PLA2R1: variants seen among roughly 807,000 people sequenced by gnomAD.
PLA2R1 encodes the protein phospholipase A2 receptor 1.
In PLA2R1, 158 loss-of-function variants were observed where a neutral mutation model predicts 195.9. The ratio of observed to expected loss-of-function variants is 0.81; its 90% CI spans 0.71 to 0.92. PLA2R1 has a LOEUF of 0.92. PLA2R1 is among the 40% of genes least tolerant of loss of function. PLA2R1 has a pLI of 0.00. For synonymous variants in PLA2R1, 586 were observed against 598.2 expected (o/e 0.98, Z 0.30); for missense variants, 1,626 against 1,764.6 (o/e 0.92, Z 1.41).
chr2:159,942,710 A>G (rs1465099702), intron 28 of PLA2R1, among the ~76,000 whole-genome samples: 1 of 152,012 alleles, frequency 6.6e-6, no homozygotes, highest in Non-Finnish European at 1.5e-5. Flanking sequence ...AAAAAGTTAG[A>G]GAGTTTCTGT....
intron 8 of PLA2R1, among the ~76,000 whole-genome samples, chr2:160,019,638 C>T (rs1692977104): frequency 6.6e-6 from 1 of 152,214 alleles, no homozygotes; most frequent in African/African-American, 2.4e-5. Context: ...TCCTATACCA[C>T]AGTCTAGAAA....
chr2:159,958,756 T>C lies in PLA2R1; in HGVS notation c.2905-2129A>G, dbSNP rs138600980. Among the ~76,000 whole-genome samples the C allele has an allele frequency of 7.5e-4, 115 of 152,348 alleles. No homozygotes were observed. In the East Asian group the frequency reaches 0.018, roughly 24 times the overall value. On this transcript the variant is annotated intron_variant, in intron 20 of 29. Transcript: ENST00000283243. ...GATAATGCCTGCAGATATTTTTCAC[T>C]GTTACAGTTGGGGAGGGGATTGCTA... is the stretch of plus-strand genomic sequence containing the variant.
intron 15 of PLA2R1, 52 bp from the exon 16 acceptor site, chr2:159,976,772 G>C: frequency 7.2e-7 from 1 of 1,387,282 alleles, no homozygotes; most frequent in Non-Finnish European, 1.0e-6. Flanking sequence ...CAAGTGCATT[G>C]TCTGTGAATT....
At chr2:160,040,794 G>A (rs1341086869) in intron 3 of PLA2R1, among the ~76,000 whole-genome samples, 1 of 152,370 alleles carries the variant, frequency 6.6e-6, no homozygotes, top group South Asian at 2.1e-4. Context: ...GGATTCAGAA[G>A]TGTATGCTGA....
intron 21 of PLA2R1, 135 bp downstream of exon 21, chr2:159,956,375 G>T (rs913320876): frequency 1.6e-6 from 1 of 641,408 alleles, no homozygotes; most frequent in East Asian, 2.6e-5. Context: ...GGGTCAAACT[G>T]CAAACTCGTG....
intron 3 of PLA2R1, among the ~76,000 whole-genome samples, chr2:160,038,236 C>T (rs1003274293): frequency 1.3e-5 from 2 of 152,194 alleles, no homozygotes; most frequent in African/African-American, 4.8e-5. Flanking sequence ...TATTTCAAGA[C>T]TCGCACAGGT....
At chr2:159,991,131 A>G (rs1476843100) in intron 11 of PLA2R1, among the ~76,000 whole-genome samples, 1 of 152,206 alleles carries the variant, frequency 6.6e-6, no homozygotes, top group African/African-American at 2.4e-5. Flanking sequence ...GAATAAATGA[A>G]TGAATGAGTT....
intron 11 of PLA2R1, among the ~76,000 whole-genome samples, chr2:159,996,131 T>C (rs1691193585): frequency 6.6e-6 from 1 of 152,138 alleles, no homozygotes; most frequent in Non-Finnish European, 1.5e-5. Context: ...CTGATGCTCC[T>C]TCTTTCTTTA....
At chr2:160,030,430 T>C (rs1220726804) in intron 4 of PLA2R1, among the ~76,000 whole-genome samples, 2 of 152,242 alleles carry the variant, frequency 1.3e-5, no homozygotes, top group Non-Finnish European at 2.9e-5. Flanking sequence ...AGGGAGAAAT[T>C]TTCACGTTTC....
Position 160,044,815 on chromosome 2 carries a change from T to TA in PLA2R1, c.451dup (p.Tyr151LeufsTer10). ...ACAAATGTCTCCACCACCTGACCCA[T>TA]AAGAAATCCACTTATGAATATACTT... On this transcript the variant is annotated frameshift_variant, in exon 2 of 30. Transcript: ENST00000283243. LOFTEE classifies it high-confidence loss of function. 1 of 1,613,816 alleles carries TA rather than the reference T, an allele frequency of 6.2e-7. No individual in the cohort carries two copies. The highest frequency in any genetic ancestry group is 8.5e-7 in the Non-Finnish European group (1 of 1,179,702).
intron 27 of PLA2R1, chr2:159,946,121 T>C: frequency 1.3e-6 from 1 of 784,654 alleles, no homozygotes; most frequent in Non-Finnish European, 1.5e-6. Flanking sequence ...CAATAGTGTA[T>C]TGTCTGAAAA....
intron 1 of PLA2R1, 96 bp downstream of exon 1, chr2:160,062,199 G>T: frequency 1.0e-6 from 1 of 1,004,548 alleles, no homozygotes; most frequent in Non-Finnish European, 1.4e-6. Flanking sequence ...TTGCCCGCCA[G>T]CTTGGCCCCT....
chr2:159,924,245 A>G, the PLA2R1 span, among the ~76,000 whole-genome samples: 4 of 152,194 alleles, frequency 2.6e-5, no homozygotes, highest in Non-Finnish European at 5.9e-5. Flanking sequence ...ATTGCATGTG[A>G]GGCCCACCTG....
In PLA2R1 at chr2:160,044,806, C is replaced by A. The variant is rs1694756456; in HGVS notation, c.461G>T (p.Gly154Val). 6 of 1,612,940 alleles carry A rather than the reference C, an allele frequency of 3.7e-6. No individual in the cohort carries two copies. Among genetic ancestry groups the A allele is most frequent in the Non-Finnish European group, 5.1e-6 (6 of 1,179,300 alleles). ...TAGATATTCACAAATGTCTCCACCACCTGACCCATAAGAAATCCACTTATG... is the reference window on the plus strand; with the variant it reads ...TAGATATTCACAAATGTCTCCACCAACTGACCCATAAGAAATCCACTTATG... ...YIHKWISYGS[G>V]GGDICEYLHK... The change falls in exon 2 of 30, where the codon GGT becomes GTT. Residue 154 changes from glycine to valine, a missense_variant. Transcript: ENST00000283243.
chr2:159,979,613 C>T (rs527867865), intron 14 of PLA2R1, among the ~76,000 whole-genome samples: 1 of 152,190 alleles, frequency 6.6e-6, no homozygotes, highest in African/African-American at 2.4e-5. Flanking sequence ...GTTTTTGATA[C>T]TTTTTCAGGC....
Position 159,987,350 on chromosome 2 carries a change from C to T in PLA2R1, c.1843G>A (p.Gly615Ser). 1.2e-6 allele frequency: 2 copies of T among 1,610,236 alleles called. No homozygotes were observed. The highest frequency in any genetic ancestry group is 3.3e-5 in the Admixed American group (2 of 59,760). ...HWNTHQPRYS[G>S]GCVAMRGRHP... ...CTTCCTCGCATGGCAACACAGCCACCACTGTAGCCTAAAAGCAGAAAACAA... is the reference window on the plus strand; with the variant it reads ...CTTCCTCGCATGGCAACACAGCCACTACTGTAGCCTAAAAGCAGAAAACAA... The change falls in exon 12 of 30, where the codon GGT (glycine) becomes AGT (serine). Residue 615 changes from glycine to serine, a missense_variant. Coordinates refer to ENST00000283243, the MANE Select transcript of PLA2R1 (RefSeq NM_007366.5).
Position 159,936,273 on chromosome 2 carries a change from T to G in PLA2R1, c.*5505A>C, listed in dbSNP as rs1263755044. On this transcript the variant is annotated 3_prime_UTR_variant, in exon 30 of 30. Coordinates refer to ENST00000283243, the MANE Select transcript of PLA2R1 (RefSeq NM_007366.5). Reference sequence around the variant, plus strand: ...CAGCCTAAAATTATTTTTTAAGAAGTCCCTGTGAACATAGGCTCTAAGTAT... The same window carrying G: ...CAGCCTAAAATTATTTTTTAAGAAGGCCCTGTGAACATAGGCTCTAAGTAT... 1.3e-5 allele frequency: 2 copies of G among 152,134 alleles called. No individual in the cohort carries two copies. Among genetic ancestry groups the G allele is most frequent in the Non-Finnish European group, 2.9e-5 (2 of 68,020 alleles). The allele number at this position is 152,134 out of a possible 1,614,324, so 9.4% of individuals were successfully genotyped here. A position where few individuals can be genotyped will look rare whatever the true frequency, so the allele number is the denominator to read the frequency against.
rs1390511643 is a variant in PLA2R1 at position 160,058,846 on chromosome 2, G to A, written c.109+3449C>T. Among the ~76,000 whole-genome samples, 12 of 152,136 alleles carry A rather than the reference G, an allele frequency of 7.9e-5. No homozygotes were observed. The East Asian group carries it at 1.3e-3, about 17-fold the overall frequency. Reference sequence around the variant, plus strand: ...TTTTCCACAGGCCAATGGGGTGGTGGGGTGGGGGATGGTTTTGGGATGACT... The same window carrying A: ...TTTTCCACAGGCCAATGGGGTGGTGAGGTGGGGGATGGTTTTGGGATGACT... On this transcript the variant is annotated intron_variant, in intron 1 of 29. Coordinates refer to ENST00000283243, the MANE Select transcript of PLA2R1 (RefSeq NM_007366.5).
At chr2:160,001,552 C>T (rs1011870259) in intron 11 of PLA2R1, among the ~76,000 whole-genome samples, 6 of 151,866 alleles carry the variant, frequency 4.0e-5, no homozygotes, top group Admixed American at 3.9e-4. Flanking sequence ...TAGTTATATG[C>T]TGTTTATAAG....
Sources: gnomAD v4.1 joint callset for allele counts (sites outside exome capture counted in the v4.1 genomes callset) on GRCh38, gnomAD v4.1.1 for gene constraint, MANE v1.5 for transcripts, NCBI Gene and HGNC (gene_info 2026-07-23, HGNC 2026-07-21) for gene names.